Variants in CCZ1B observed in about 807,000 individuals in gnomAD.
CCZ1B encodes the protein CCZ1B vacuolar protein trafficking and biogenesis associated.
A neutral mutation model predicts 58.8 loss-of-function variants in CCZ1B; 25 were observed. The ratio of observed to expected loss-of-function variants is 0.43; its 90% CI spans 0.31 to 0.59. CCZ1B has a LOEUF of 0.59. Among genes scored for constraint, CCZ1B ranks in the 20% least tolerant of loss-of-function variants. The pLI is 0.12. For synonymous variants in CCZ1B, 66 were observed against 173.2 expected (o/e 0.38, Z 4.86); for missense variants, 180 against 501.5 (o/e 0.36, Z 6.12).
rs371031953 is a variant in CCZ1B, at chr7:6,821,154, G to A, written c.522+1127C>T. Among the ~76,000 whole-genome samples, 63 of 149,324 alleles carry A rather than the reference G, an allele frequency of 4.2e-4. No individual in the cohort carries two copies. The East Asian group carries it at 9.4e-3, about 22-fold the overall frequency. ...CTCCAGAATAGCTGGGATTACAGGC[G>A]TGCGCCACCACGCCCAGCTAGTTTT... On this transcript the variant is annotated intron_variant, in intron 6 of 14. Coordinates refer to ENST00000316731, the MANE Select transcript of CCZ1B (RefSeq NM_198097.5).
At chr7:6,805,334 GTTTA>G in intron 11 of CCZ1B, 1 of 225,958 alleles carries the variant, frequency 4.4e-6, no homozygotes, top group Non-Finnish European at 7.1e-6. Flanking sequence ...AAGGTCGTAT[GTTTA>G]TTTAACAAAC....
At position 6,819,907 on chromosome 7, in the gene CCZ1B, A is replaced by T. The variant is rs1192918443; in HGVS notation, c.557T>A (p.Leu186Gln). 4 of 1,604,206 alleles carry T rather than the reference A, an allele frequency of 2.5e-6. No homozygotes were observed. Among genetic ancestry groups the T allele is most frequent in the Non-Finnish European group, 3.4e-6 (4 of 1,176,656 alleles). The change falls in exon 7 of 15, where the codon CTA becomes CAA. Residue 186 changes from leucine to glutamine, a missense_variant. Coordinates refer to ENST00000316731, the MANE Select transcript of CCZ1B (RefSeq NM_198097.5). ...LQTLHLQSCD[L>Q]LDIFGGISFF... The stretch of plus-strand genomic sequence containing the variant: ...GCTGATTCCACCAAAAATGTCAAGT[A>T]GGTCACATGACTGCAAATGTAGCGT...
intron 7 of CCZ1B, 140 bp from the exon 8 acceptor site, chr7:6,814,985 T>C (rs3779100): frequency 0.18 from 94,594 of 519,896 alleles, 10,880 homozygotes; most frequent in Admixed American, 0.3. Flanking sequence ...TTTTTAAAGT[T>C]TAAAGCTACT....
At chr7:6,825,382 G>A (rs992634237) in intron 1 of CCZ1B, among the ~76,000 whole-genome samples, 2 of 145,690 alleles carry the variant, frequency 1.4e-5, no homozygotes, top group Non-Finnish European at 3.0e-5. Flanking sequence ...GGAAATACAG[G>A]TGCGTGCCAC....
At chr7:6,816,422 A>G (rs1783000546) in intron 7 of CCZ1B, among the ~76,000 whole-genome samples, 1 of 149,058 alleles carries the variant, frequency 6.7e-6, no homozygotes, top group Admixed American at 6.7e-5. Context: ...CGCAGGCTGA[A>G]GTGAGCTGAG....
intron 7 of CCZ1B, among the ~76,000 whole-genome samples, chr7:6,819,425 A>G (rs1032020489): frequency 2.7e-5 from 4 of 148,458 alleles, no homozygotes; most frequent in African/African-American, 7.7e-5. Flanking sequence ...TAGTAGAGAC[A>G]GGGTTTCACT....
Position 6,815,290 on chromosome 7 carries a change from A to C in CCZ1B, c.699-445T>G, listed in dbSNP as rs200941590. On this transcript the variant is annotated intron_variant, in intron 7 of 14. Transcript: ENST00000316731. ...AAGCGGTCCTCCCATCTCAGCCTCC[A>C]GACTAGCTGGGACTACAGGCATGCG... Among the ~76,000 whole-genome samples, 11 of 143,048 alleles carry C rather than the reference A, an allele frequency of 7.7e-5. 1 individual carries two copies. Among genetic ancestry groups the C allele is most frequent in the African/African-American group, 3.0e-4 (11 of 37,190 alleles). 93.8% of individuals were successfully genotyped at this position (143,048 alleles called of 152,430 possible).
At chr7:6,806,744 A>C in intron 10 of CCZ1B, 1 of 67,386 alleles carries the variant, frequency 1.5e-5, no homozygotes. Flanking sequence ...CGTTATCCTA[A>C]CTCTTCAACG....
intron 12 of CCZ1B, among the ~76,000 whole-genome samples, chr7:6,804,524 T>C (rs879681139): frequency 0.035 from 3,469 of 98,010 alleles, 162 homozygotes; most frequent in Non-Finnish European, 0.047. Context: ...CACTTCAGGC[T>C]GCCAGACTGA....
intron 8 of CCZ1B, among the ~76,000 whole-genome samples, chr7:6,814,124 C>T (rs1341628124): frequency 1.4e-5 from 2 of 147,014 alleles, no homozygotes; most frequent in Non-Finnish European, 3.0e-5. Context: ...CCAGCCTGGG[C>T]GAAAAGAACG....
At position 6,823,303 on chromosome 7, in the gene CCZ1B, C is replaced by G. The variant is rs550243900; in HGVS notation, c.438+10G>C. On this transcript the variant is annotated intron_variant, in intron 5 of 14. Coordinates refer to ENST00000316731, the MANE Select transcript of CCZ1B (RefSeq NM_198097.5). ...TTGGACTCTGAGTTGAGAAAGAACG[C>G]CACGCTTACCTTGTACATGCTGTAG... 5.1e-5 allele frequency: 82 copies of G among 1,605,752 alleles called. 6 individuals carry two copies. The South Asian group carries it at 7.5e-4, about 15-fold the overall frequency.
chr7:6,811,049 G>A (rs1311424227), intron 10 of CCZ1B, among the ~76,000 whole-genome samples: 4 of 151,572 alleles, frequency 2.6e-5, no homozygotes, highest in African/African-American at 7.3e-5. Flanking sequence ...ACAGACCCTC[G>A]ATTGTCACCC....
At chr7:6,810,969 G>A (rs1333271390) in intron 10 of CCZ1B, among the ~76,000 whole-genome samples, 2 of 150,748 alleles carry the variant, frequency 1.3e-5, no homozygotes, top group Admixed American at 1.3e-4. Context: ...GAATGAGCAG[G>A]GCCTCATTCT....
At chr7:6,821,619 G>A (rs1266913354) in intron 6 of CCZ1B, among the ~76,000 whole-genome samples, 2 of 151,376 alleles carry the variant, frequency 1.3e-5, no homozygotes, top group African/African-American at 4.9e-5. Context: ...TAGGCGAGTT[G>A]GCTCACGCCT....
chr7:6,818,600 A>AAAGAAAGAAAGAAAGAC lies in CCZ1B; in HGVS notation c.698+1149_698+1165dup, dbSNP rs761942389. 2.7e-4 allele frequency among the ~76,000 whole-genome samples: 37 copies of AAAGAAAGAAAGAAAGAC among 134,884 alleles called. 3 individuals carry two copies. The highest frequency in any genetic ancestry group is 9.4e-4 in the Admixed American group (12 of 12,786). 88.5% of individuals were successfully genotyped at this position (134,884 alleles called of 152,430 possible). ...GACAGAAAGAAAGACAGACAGAAAG[A>AAAGAAAGAAAGAAAGAC]AAGAAAGAAAGAAAGACAAGAAAGA... On this transcript the variant is annotated intron_variant, in intron 7 of 14. Transcript: ENST00000316731.
chr7:6,814,522 C>A (rs1179364778), intron 8 of CCZ1B: 6 of 378,524 alleles, frequency 1.6e-5, no homozygotes, highest in Non-Finnish European at 2.4e-5. Context: ...AAAACACACA[C>A]AAAAAAACCA....
chr7:6,801,897 G>T (rs2115107572), intron 12 of CCZ1B, among the ~76,000 whole-genome samples: 1 of 119,288 alleles, frequency 8.4e-6, no homozygotes, highest in South Asian at 5.1e-4. Flanking sequence ...TCTAAACAAA[G>T]TTTCACGGGA....
At position 6,821,100 on chromosome 7, in the gene CCZ1B, T is replaced by C. The variant is rs867681494; in HGVS notation, c.523-1159A>G. 5.1e-3 allele frequency among the ~76,000 whole-genome samples: 685 copies of C among 133,722 alleles called. 32 individuals carry two copies. The highest frequency in any genetic ancestry group is 0.016 in the Middle Eastern group (4 of 256). 87.7% of individuals were successfully genotyped at this position (133,722 alleles called of 152,430 possible). On this transcript the variant is annotated intron_variant, in intron 6 of 14. Transcript: ENST00000316731. ...CTCGGCTCACTGCAACCTCTGCCTC[T>C]GGGGTTCAAGCGATTCTCCTGCCTC...
intron 7 of CCZ1B, among the ~76,000 whole-genome samples, chr7:6,819,124 A>G (rs1382232920): frequency 1.6e-4 from 8 of 49,684 alleles, no homozygotes; most frequent in Admixed American, 7.6e-4. Context: ...TCTCTATAAG[A>G]AAAAAAAAAA....
Sources: gnomAD v4.1 joint callset for allele counts (sites outside exome capture counted in the v4.1 genomes callset) on GRCh38, gnomAD v4.1.1 for gene constraint, MANE v1.5 for transcripts, NCBI Gene and HGNC (gene_info 2026-07-23, HGNC 2026-07-21) for gene names.